The following SNX13 variants were observed in gnomAD, a reference collection of about 807,000 sequenced individuals.
The protein encoded by SNX13 is sorting nexin-13.
SNX13 carries 45 observed loss-of-function variants against 133.6 expected under a neutral mutation model. The observed-to-expected ratio is 0.34, with a 90% CI of 0.27 to 0.43. The LOEUF is 0.43. Among genes scored for constraint, SNX13 ranks in the 20% least tolerant of loss-of-function variants. The pLI is 1.00. For synonymous variants in SNX13, 414 were observed against 373.9 expected, an observed-to-expected ratio of 1.11 and a Z score of -1.24; for missense variants, 1,032 against 1,145.1, an observed-to-expected ratio of 0.90 and a Z score of 1.43.
chr7:17,919,311 A>G (rs369548698), intron 1 of SNX13, among the ~76,000 whole-genome samples: 1 of 152,274 alleles, frequency 6.6e-6, no homozygotes. Context: ...ATACTAAATA[A>G]CCTACTTAGT....
intron 2 of SNX13, among the ~76,000 whole-genome samples, chr7:17,895,170 G>A (rs1404126577): frequency 6.6e-6 from 1 of 152,140 alleles, no homozygotes; most frequent in Non-Finnish European, 1.5e-5. Context: ...GCCCACAAGT[G>A]TGTAACGATA....
At chr7:17,849,930 C>T (rs1020170569) in intron 11 of SNX13, among the ~76,000 whole-genome samples, 5 of 152,126 alleles carry the variant, frequency 3.3e-5, no homozygotes, top group Admixed American at 2.6e-4. Context: ...TAGATATCAC[C>T]ACCTGATATT....
Position 17,909,570 on chromosome 7 carries a change from G to C in SNX13, c.13-12124C>G, listed in dbSNP as rs112957233. 1.4e-4 allele frequency among the ~76,000 whole-genome samples: 21 copies of C among 152,316 alleles called. 2 individuals are homozygous for C. The highest frequency in any genetic ancestry group is 5.1e-4 in the African/African-American group (21 of 41,548). The stretch of plus-strand genomic sequence containing the variant: ...GATCACATCCTTTGTAGGGACATGG[G>C]TCGAGCTAGAAGCCATTATTCTCAG... On this transcript the variant is annotated intron_variant, in intron 1 of 25. Coordinates refer to ENST00000428135, the MANE Select transcript of SNX13 (RefSeq NM_015132.5).
intron 1 of SNX13, among the ~76,000 whole-genome samples, chr7:17,920,956 T>C (rs1352138088): frequency 6.6e-6 from 1 of 152,178 alleles, no homozygotes; most frequent in Non-Finnish European, 1.5e-5. Context: ...CAGCAGCGTG[T>C]ACTCAGCCAA....
chr7:17,814,038 G>A (rs1215248027), intron 20 of SNX13, among the ~76,000 whole-genome samples: 1 of 152,100 alleles, frequency 6.6e-6, no homozygotes, highest in East Asian at 1.9e-4. Flanking sequence ...TATAAAAAGT[G>A]ATAAAATACA....
intron 7 of SNX13, among the ~76,000 whole-genome samples, chr7:17,875,147 T>C (rs892488071): frequency 1.3e-5 from 2 of 152,090 alleles, no homozygotes; most frequent in African/African-American, 4.8e-5. Context: ...TTCGTACTTT[T>C]AGTAGAGACA....
chr7:17,832,451 TTC>T (rs1200810566), intron 15 of SNX13: 43 of 984,370 alleles, frequency 4.4e-5, no homozygotes, highest in Non-Finnish European at 4.5e-5. Flanking sequence ...TGACTTTGTC[TTC>T]TCTCTTTCTG....
At chr7:17,868,669 G>A (rs931520575) in intron 8 of SNX13, among the ~76,000 whole-genome samples, 179 bp from the exon 9 acceptor site, 1 of 152,022 alleles carries the variant, frequency 6.6e-6, no homozygotes, top group Non-Finnish European at 1.5e-5. Context: ...TTAGATAAAT[G>A]AGATACAGTT....
intron 5 of SNX13, among the ~76,000 whole-genome samples, chr7:17,883,219 A>C (rs1795575315): frequency 6.6e-6 from 1 of 152,222 alleles, no homozygotes; most frequent in Admixed American, 6.5e-5. Context: ...TGAAGGACTT[A>C]GATCTCAGAA....
intron 8 of SNX13, among the ~76,000 whole-genome samples, chr7:17,870,920 G>A (rs1794025490): frequency 6.6e-6 from 1 of 152,044 alleles, no homozygotes; most frequent in South Asian, 2.1e-4. Flanking sequence ...GGTCAGGGAG[G>A]GCATCTCTAA....
chr7:17,842,410 AG>A (rs1562747648), intron 12 of SNX13, among the ~76,000 whole-genome samples: 1 of 152,066 alleles, frequency 6.6e-6, no homozygotes, highest in Non-Finnish European at 1.5e-5. Flanking sequence ...GATAAACAAA[AG>A]CAAAGGAAGC....
At chr7:17,830,824 T>C in intron 15 of SNX13, 1 of 984,278 alleles carries the variant, frequency 1.0e-6, no homozygotes, top group Non-Finnish European at 1.2e-6. Context: ...ATATATGGTT[T>C]CGAGCACTTA....
chr7:17,802,171 G>C (rs557352110), intron 21 of SNX13, among the ~76,000 whole-genome samples: 4 of 152,122 alleles, frequency 2.6e-5, no homozygotes, highest in Admixed American at 2.6e-4. Context: ...ATATAGCCTA[G>C]GTGAGAAGTA....
intron 1 of SNX13, among the ~76,000 whole-genome samples, chr7:17,932,112 T>A (rs935724480): frequency 1.2e-4 from 18 of 152,238 alleles, no homozygotes; most frequent in African/African-American, 3.9e-4. Context: ...TCAGCATTAT[T>A]GTACTATTAC....
chr7:17,805,230 TGTGTGTGTGTGTGTGTGTGTGC>T (rs1158348523), intron 20 of SNX13, among the ~76,000 whole-genome samples: 1 of 108,908 alleles, frequency 9.2e-6, no homozygotes, highest in African/African-American at 3.2e-5. Flanking sequence ...TGTGTGTGTG[TGTGTGTGTGTGTGTGTGTGTGC>T]GTGCGCGCGC....
intron 12 of SNX13, among the ~76,000 whole-genome samples, chr7:17,840,861 C>T (rs970694247): frequency 7.9e-5 from 12 of 152,072 alleles, no homozygotes; most frequent in African/African-American, 2.9e-4. Flanking sequence ...ATGGCAGAAT[C>T]TGATGTAACT....
Position 17,798,991 on chromosome 7 carries a change from A to C in SNX13, c.2444+18T>G, listed in dbSNP as rs753909017. The C allele has an allele frequency of 6.2e-7, 1 of 1,601,736 alleles. No individual in the cohort carries two copies. Among genetic ancestry groups the C allele is most frequent in the Admixed American group, 1.7e-5 (1 of 58,044 alleles). On this transcript the variant is annotated intron_variant, in intron 23 of 25. Coordinates refer to ENST00000428135, the MANE Select transcript of SNX13 (RefSeq NM_015132.5). Reference sequence around the variant, plus strand: ...GCTAAGTAAGATCAGATTAAAAGCGAGGAGGAAAGAGTGCTACCTATTAAT... The same window carrying C: ...GCTAAGTAAGATCAGATTAAAAGCGCGGAGGAAAGAGTGCTACCTATTAAT...
rs1304222327 is a variant in SNX13, at chr7:17,940,476, G to A, written c.-181C>T. 5.4e-6 allele frequency: 4 copies of A among 736,388 alleles called. No homozygotes were observed. The highest frequency in any genetic ancestry group is 9.6e-6 in the Non-Finnish European group (4 of 416,354). The allele number at this position is 736,388 out of a possible 1,614,324, so 45.6% of individuals were successfully genotyped here. A position where few individuals can be genotyped will look rare whatever the true frequency, so the allele number is the denominator to read the frequency against. ...CGGCCCGGTCGCTCGCGACGGACGC[G>A]CCGCCATCTTGGAAGAGCGACGTCC... On this transcript the variant is annotated 5_prime_UTR_variant, in exon 1 of 26. Transcript: ENST00000428135.
chr7:17,882,944 C>A (rs1429166174), intron 5 of SNX13: 1 of 689,576 alleles, frequency 1.5e-6, no homozygotes. Context: ...GGGCGAGACT[C>A]TGTCTCAAAA....
Sources: allele counts gnomAD v4.1 joint callset (sites outside exome capture counted in the v4.1 genomes callset), GRCh38; gene constraint gnomAD v4.1.1; transcripts MANE v1.5; gene names NCBI Gene and HGNC (gene_info 2026-07-23, HGNC 2026-07-21).